Variants in WDR62 observed in about 807,000 individuals in gnomAD.
The protein encoded by WDR62 is WD repeat domain 62.
In WDR62, 112 loss-of-function variants were observed where a neutral mutation model predicts 160.6. The observed-to-expected ratio is 0.70, with a 90% CI of 0.60 to 0.82. The LOEUF (loss-of-function observed/expected upper bound fraction) is 0.82, where lower values mean the gene tolerates loss of function less well. WDR62 is among the 40% of genes least tolerant of loss of function. The pLI is 0.00. For missense variants in WDR62, 1,819 were observed against 1,983.8 expected (o/e 0.92, Z 1.58); for synonymous variants, 792 against 815.1 (o/e 0.97, Z 0.48).
Position 36,067,895 on chromosome 19 carries a change from G to T in WDR62, c.767G>T (p.Cys256Phe). The change falls in exon 7 of 32, where the codon TGT (cysteine) becomes TTT (phenylalanine). Residue 256 changes from cysteine to phenylalanine, a missense_variant. Physicochemically the swap from Cys to Phe is radical, Grantham distance 205. Around this residue, in one of 3 missense-constraint regions of WDR62, gnomAD observed 934 missense variants for 1,157.2 expected, o/e 0.81. Transcript: ENST00000401500. ...GGCGAGCTGCACAACAACATCTTCT[G>T]TGGTGTGGCCTGCGGTCGGGGCCGG... ...ILGELHNNIFCGVACGRGRMA... is the reference protein window; with the variant it reads ...ILGELHNNIFFGVACGRGRMA... 6.2e-7 allele frequency: 1 copy of T among 1,614,230 alleles called. No individual in the cohort carries two copies. The highest frequency in any genetic ancestry group is 8.5e-7 in the Non-Finnish European group (1 of 1,180,046).
chr19:36,085,414 C>CTTTTTTTTTGTT (rs1972154968), intron 12 of WDR62, among the ~76,000 whole-genome samples: 1 of 70,382 alleles, frequency 1.4e-5, no homozygotes, highest in Non-Finnish European at 2.8e-5. Flanking sequence ...CACACCTGAC[C>CTTTTTTTTTGTT]TTTTTTTTTT....
At chr19:36,106,269 G>C (rs1473813099), downstream of WDR62, among the ~76,000 whole-genome samples, 1 of 151,694 alleles carries the variant, frequency 6.6e-6, no homozygotes, top group African/African-American at 2.4e-5. Context: ...AGGAGGTTGA[G>C]GCAGGAGAAT....
intron 3 of WDR62, among the ~76,000 whole-genome samples, chr19:36,063,757 C>G (rs1230932126): frequency 6.6e-6 from 1 of 152,208 alleles, no homozygotes; most frequent in Non-Finnish European, 1.5e-5. Context: ...CAAGGTGTTG[C>G]CTGCCAGATT....
In WDR62 at chr19:36,091,389, G is replaced by A. The variant is rs758344305; in HGVS notation, c.2147-13G>A. On this transcript the variant is annotated splice_polypyrimidine_tract_variant and intron_variant, in intron 17 of 31. Transcript: ENST00000401500. ...CTCCGAAGGCAAGTGCAGCCTCTCT[G>A]CTTTGTTTGCAGAAATTATTACCAG... 3.9e-5 allele frequency: 62 copies of A among 1,607,372 alleles called. No individual in the cohort carries two copies. The Middle Eastern group carries it at 5.0e-4, about 13-fold the overall frequency.
In WDR62 at chr19:36,092,670, C is replaced by A; in HGVS notation, c.2211-19C>A. 6.2e-7 allele frequency: 1 copy of A among 1,613,956 alleles called. No individual in the cohort carries two copies. Among genetic ancestry groups the A allele is most frequent in the South Asian group, 1.1e-5 (1 of 91,034 alleles). On this transcript the variant is annotated intron_variant, in intron 18 of 31. Coordinates refer to ENST00000401500, the MANE Select transcript of WDR62 (RefSeq NM_001083961.2). ...CTTACTCTTCCTCTGCCTTGTGTGT[C>A]TCTCTTTGACCTCCGCAGCTGCGTG...
intron 12 of WDR62, 83 bp downstream of exon 12, chr19:36,084,827 C>T: frequency 7.8e-7 from 1 of 1,286,036 alleles, no homozygotes; most frequent in East Asian, 2.3e-5. Context: ...TAGTTGGTGT[C>T]TGGTGGGACT....
chr19:36,063,245 T>TTTTTTTTG (rs1970758841), intron 3 of WDR62, among the ~76,000 whole-genome samples: 1 of 149,274 alleles, frequency 6.7e-6, no homozygotes, highest in Non-Finnish European at 1.5e-5. Context: ...ACCTGGCCAC[T>TTTTTTTTG]TTTTTTTGTT....
At chr19:36,073,253 T>G (rs1971394029) in intron 8 of WDR62, 89 bp from the exon 9 acceptor site, 1 of 1,268,444 alleles carries the variant, frequency 7.9e-7, no homozygotes, top group African/African-American at 1.5e-5. Context: ...GGGATGGCAT[T>G]GCCGGGGAGG....
At chr19:36,086,321 G>A (rs1354301445) in intron 12 of WDR62, among the ~76,000 whole-genome samples, 1 of 152,126 alleles carries the variant, frequency 6.6e-6, no homozygotes, top group Non-Finnish European at 1.5e-5. Context: ...AGGGTGAGAG[G>A]ACACTGGTTT....
In WDR62 at chr19:36,058,661, G is replaced by A. The variant is rs931069490; in HGVS notation, c.178-119G>A. On this transcript the variant is annotated intron_variant, in intron 1 of 31. Coordinates refer to ENST00000401500, the MANE Select transcript of WDR62 (RefSeq NM_001083961.2). ...AGTGTTAGCTGCTGGTGGATGGCGT[G>A]GCCACAGAAGCTCAGTGTGGGTGTT... The A allele has an allele frequency of 9.4e-6, 7 of 746,312 alleles. No homozygotes were observed. The African/African-American group carries it at 1.2e-4, about 13-fold the overall frequency. The allele number at this position is 746,312 out of a possible 1,614,324, so 46.2% of individuals were successfully genotyped here.
chr19:36,089,649 G>A (rs574676353), intron 15 of WDR62, among the ~76,000 whole-genome samples: 2 of 152,276 alleles, frequency 1.3e-5, no homozygotes, highest in Admixed American at 1.3e-4. Context: ...CGCCATGTTG[G>A]CCAGGCTGGT....
chr19:36,100,916 C>T lies in WDR62; in HGVS notation c.2867+41C>T, dbSNP rs368673981. 12 of 1,613,280 alleles carry T rather than the reference C, an allele frequency of 7.4e-6. No individual in the cohort carries two copies. The African/African-American group carries it at 1.2e-4, about 16-fold the overall frequency. On this transcript the variant is annotated intron_variant, in intron 23 of 31. Transcript: ENST00000401500. Reference sequence around the variant, plus strand: ...ACCAAGGGAGCCTTAGTTGGAGGAACCCCCAGCTGATAGCTGCATCCTGGA... The same window carrying T: ...ACCAAGGGAGCCTTAGTTGGAGGAATCCCCAGCTGATAGCTGCATCCTGGA...
At chr19:36,085,414 C>CTTTTTTTTTTGTTT (rs1972155221) in intron 12 of WDR62, among the ~76,000 whole-genome samples, 1 of 70,382 alleles carries the variant, frequency 1.4e-5, no homozygotes, top group Non-Finnish European at 2.8e-5. Flanking sequence ...CACACCTGAC[C>CTTTTTTTTTTGTTT]TTTTTTTTTT....
chr19:36,101,503 A>G, intron 24 of WDR62, 161 bp from the exon 25 acceptor site: 1 of 787,978 alleles, frequency 1.3e-6, no homozygotes, highest in Non-Finnish European at 2.2e-6. Flanking sequence ...CAGCTCTGCC[A>G]CCTCCTTGAT....
chr19:36,073,805 A>G, intron 9 of WDR62: 1 of 499,006 alleles, frequency 2.0e-6, no homozygotes, highest in Non-Finnish European at 3.9e-6. Context: ...GGGAAGGGGA[A>G]TGCAGGTGGT....
chr19:36,101,997 C>A lies in WDR62; in HGVS notation c.3083-17C>A, dbSNP rs999363110. 6.2e-7 allele frequency: 1 copy of A among 1,613,956 alleles called. No individual in the cohort carries two copies. Among genetic ancestry groups the A allele is most frequent in the African/African-American group, 1.3e-5 (1 of 74,918 alleles). On this transcript the variant is annotated splice_polypyrimidine_tract_variant and intron_variant, in intron 25 of 31. Transcript: ENST00000401500. ...ATGGTGTTGGCTCCTCTTGTCCCTCCCCTCCTTCCCTGTCAGGATGCGCAG... is the reference window on the plus strand; with the variant it reads ...ATGGTGTTGGCTCCTCTTGTCCCTCACCTCCTTCCCTGTCAGGATGCGCAG...
chr19:36,059,242 C>T (rs898765071), intron 2 of WDR62, among the ~76,000 whole-genome samples: 27 of 152,120 alleles, frequency 1.8e-4, no homozygotes, highest in African/African-American at 5.3e-4. Flanking sequence ...TGGTGACCCC[C>T]TCTGCTTGCA....
chr19:36,066,057 G>C (rs746338603), intron 4 of WDR62, 42 bp downstream of exon 4: 1 of 1,608,682 alleles, frequency 6.2e-7, no homozygotes, highest in African/African-American at 1.3e-5. Flanking sequence ...GGGGCTGGGG[G>C]GTCTTGGAAG....
In WDR62 at chr19:36,104,630, C is replaced by T. The variant is rs886054362; in HGVS notation, c.4266C>T (p.His1422=). The T allele has an allele frequency of 4.3e-6, 7 of 1,613,990 alleles. No homozygotes were observed. Among genetic ancestry groups the T allele is most frequent in the Non-Finnish European group, 5.9e-6 (7 of 1,180,036 alleles). The change falls in exon 31 of 32, where the codon CAC becomes CAT. Residue 1422 remains histidine, a synonymous_variant. Transcript: ENST00000401500. The part of the protein sequence containing the change: ...LELSRVGNIL[H]RLQTTFQEAL... ...TGAGCAGGGTGGGGAACATCTTGCA[C>T]AGGCTGCAGACCACCTTCCAAGAAG...
Sources: allele counts gnomAD v4.1 joint callset (sites outside exome capture counted in the v4.1 genomes callset), GRCh38; gene constraint gnomAD v4.1.1; regional missense constraint gnomAD v4.1.1; transcripts MANE v1.5; gene names NCBI Gene and HGNC (gene_info 2026-07-23, HGNC 2026-07-21).